The following LNX1 variants were observed in gnomAD, a reference collection of about 807,000 sequenced individuals.
The protein encoded by LNX1 is ligand of numb-protein X 1.
LNX1 carries 54 observed loss-of-function variants against 68.4 expected under a neutral mutation model. The observed-to-expected ratio is 0.79, with a 90% CI of 0.63 to 0.99. The LOEUF is 0.99. Ranked by LOEUF, LNX1 falls within the 50% of genes least tolerant of loss-of-function variation. The pLI, the probability that LNX1 is intolerant of heterozygous loss-of-function variation, is 0.00. For synonymous variants in LNX1, 336 were observed against 350.0 expected, an observed-to-expected ratio of 0.96 and a Z score of 0.45; for missense variants, 906 against 926.4, an observed-to-expected ratio of 0.98 and a Z score of 0.29.
chr4:53,483,246 C>T (rs1008575166), intron 6 of LNX1, among the ~76,000 whole-genome samples: 1 of 152,204 alleles, frequency 6.6e-6, no homozygotes, highest in Non-Finnish European at 1.5e-5. Flanking sequence ...TCCCTTTGCT[C>T]TTCCTTCATC....
intron 2 of LNX1, among the ~76,000 whole-genome samples, chr4:53,516,281 A>G (rs918241713): frequency 3.3e-5 from 5 of 152,134 alleles, no homozygotes; most frequent in African/African-American, 1.2e-4. Context: ...GCCAAACAGT[A>G]CCTGGAATAT....
At chr4:53,648,044 G>C (rs1186593164) in intron 1 of LNX1, among the ~76,000 whole-genome samples, 1 of 152,214 alleles carries the variant, frequency 6.6e-6, no homozygotes, top group Non-Finnish European at 1.5e-5. Flanking sequence ...GGGCTATTGT[G>C]AATAATGCTG....
At chr4:53,497,128 A>G (rs1197340873) in intron 5 of LNX1, among the ~76,000 whole-genome samples, 1 of 152,186 alleles carries the variant, frequency 6.6e-6, no homozygotes, top group Admixed American at 6.5e-5. Context: ...CTCTTTATAA[A>G]GCTACTTAAA....
At chr4:53,524,669 G>A (rs1659598553) in intron 2 of LNX1, among the ~76,000 whole-genome samples, 1 of 152,192 alleles carries the variant, frequency 6.6e-6, no homozygotes, top group Admixed American at 6.6e-5. Flanking sequence ...CCTAGAAAGT[G>A]AATTGGGCTT....
Position 53,508,095 on chromosome 4 carries a change from G to A in LNX1, c.513C>T (p.Ser171=). ...SPEVSAAATI[S]LMTDEPGLDN... ...CTAGGCCAGGCTCGTCTGTCATTAA[G>A]GAGATGGTGGCAGCTGCAGAAACCT... Residue 171 remains serine (S), a synonymous_variant, in exon 3 of 11, where the codon TCC becomes TCT. Transcript: ENST00000263925. 6.2e-7 allele frequency: 1 copy of A among 1,614,144 alleles called. No individual in the cohort carries two copies. The highest frequency in any genetic ancestry group is 8.5e-7 in the Non-Finnish European group (1 of 1,180,022).
At chr4:53,476,135 A>G (rs1723544420) in intron 9 of LNX1, among the ~76,000 whole-genome samples, 1 of 152,076 alleles carries the variant, frequency 6.6e-6, no homozygotes, top group Non-Finnish European at 1.5e-5. Flanking sequence ...CGTCTCTACT[A>G]GAAATACAAA....
intron 2 of LNX1, among the ~76,000 whole-genome samples, chr4:53,536,885 G>C (rs1034588980): frequency 2.0e-5 from 3 of 152,136 alleles, no homozygotes; most frequent in African/African-American, 7.2e-5. Flanking sequence ...AAATATTTTA[G>C]TATAGATGTA....
chr4:53,485,953 GCTT>G (rs1724263516), intron 6 of LNX1, among the ~76,000 whole-genome samples: 1 of 152,208 alleles, frequency 6.6e-6, no homozygotes, highest in African/African-American at 2.4e-5. Context: ...AGGTAAGACA[GCTT>G]CTCTCTTGCA....
chr4:53,573,907 T>C lies in LNX1; in HGVS notation c.96A>G (p.Pro32=), dbSNP rs772675647. 1.2e-5 allele frequency: 20 copies of C among 1,613,612 alleles called. No individual in the cohort carries two copies. The highest frequency in any genetic ancestry group is 1.6e-5 in the Non-Finnish European group (19 of 1,179,828). Reference sequence around the variant, plus strand: ...AGATGAGGTCATCATCCACTTCCTCTGGATAGCTGTAGAAGTGGTTTTCCT... The same window carrying C: ...AGATGAGGTCATCATCCACTTCCTCCGGATAGCTGTAGAAGTGGTTTTCCT... ...SLEENHFYSY[P]EEVDDDLICH... is the part of the protein sequence containing the mutation. The change falls in exon 2 of 11, where the codon CCA becomes CCG. Residue 32 remains proline (P), a synonymous_variant. Coordinates refer to ENST00000263925, the MANE Select transcript of LNX1 (RefSeq NM_001126328.3).
chr4:53,502,133 T>A (rs755325902), intron 4 of LNX1, among the ~76,000 whole-genome samples: 1 of 152,220 alleles, frequency 6.6e-6, no homozygotes, highest in South Asian at 2.1e-4. Flanking sequence ...TAATAATAAT[T>A]ATTAACTGAG....
chr4:53,622,605 G>A (rs1307888069), intron 1 of LNX1, among the ~76,000 whole-genome samples: 6 of 152,084 alleles, frequency 3.9e-5, no homozygotes, highest in South Asian at 2.1e-4. Flanking sequence ...TATAAAAAAC[G>A]CCAAATCCTC....
At position 53,461,057 on chromosome 4, in the gene LNX1, A is replaced by AAAAC. The variant is rs1408366516; in HGVS notation, c.2052-19_2052-16dup. The AAAAC allele has an allele frequency of 1.3e-6, 2 of 1,538,638 alleles. No homozygotes were observed. Among genetic ancestry groups the AAAAC allele is most frequent in the Admixed American group, 2.3e-5 (1 of 44,040 alleles). On this transcript the variant is annotated splice_polypyrimidine_tract_variant and intron_variant, in intron 10 of 10. Coordinates refer to ENST00000263925, the MANE Select transcript of LNX1 (RefSeq NM_001126328.3). ...TATCACCACATCTAAAAAAAAAAAC[A>AAAAC]AAACAAGATATGATTAGTATTTTAA...
Position 53,498,690 on chromosome 4 carries a change from C to T in LNX1, c.929G>A (p.Gly310Glu). Residue 310 changes from glycine (G) to glutamate (E), a missense_variant, in exon 5 of 11, where the codon GGG becomes GAG. Physicochemically the swap from Gly to Glu is moderately conservative, Grantham distance 98 (BLOSUM62 -2). Transcript: ENST00000263925. ...TAGCCGGCCGTCTCTGGCGATCACC[C>T]CATCACGATAAATGTGTTGGATAAT... ...HIIIQHIYRD[G>E]VIARDGRLLP... 1 of 1,614,118 alleles carries T rather than the reference C, an allele frequency of 6.2e-7. No homozygotes were observed. The highest frequency in any genetic ancestry group is 8.5e-7 in the Non-Finnish European group (1 of 1,180,004).
chr4:53,480,708 G>A (rs1723854559), intron 7 of LNX1, among the ~76,000 whole-genome samples: 1 of 152,054 alleles, frequency 6.6e-6, no homozygotes, highest in South Asian at 2.1e-4. Flanking sequence ...TAACCTTGTA[G>A]GCTATGTAAT....
At chr4:53,646,801 A>G (rs934776654) in intron 1 of LNX1, among the ~76,000 whole-genome samples, 1 of 152,254 alleles carries the variant, frequency 6.6e-6, no homozygotes, top group Non-Finnish European at 1.5e-5. Flanking sequence ...TAAATAAATG[A>G]AAACAGACAT....
At chr4:53,561,094 T>G (rs1431309549) in intron 2 of LNX1, among the ~76,000 whole-genome samples, 1 of 152,188 alleles carries the variant, frequency 6.6e-6, no homozygotes, top group East Asian at 1.9e-4. Context: ...GCCAGGAAAA[T>G]GTTGGGTTCA....
intron 9 of LNX1, among the ~76,000 whole-genome samples, chr4:53,468,270 T>C (rs892311658): frequency 2.0e-5 from 3 of 152,080 alleles, no homozygotes; most frequent in African/African-American, 7.2e-5. Context: ...AGAAATAAAA[T>C]ACTTTACAGA....
chr4:53,591,571 G>C, upstream of LNX1: 3 of 985,428 alleles, frequency 3.0e-6, no homozygotes, highest in Non-Finnish European at 3.6e-6. Context: ...GTGACATCAC[G>C]GAAGCCCCGA....
At chr4:53,544,467 T>C (rs1292730428) in intron 2 of LNX1, among the ~76,000 whole-genome samples, 7 of 151,980 alleles carry the variant, frequency 4.6e-5, no homozygotes, top group Admixed American at 4.6e-4. Flanking sequence ...GTGCTGGGAT[T>C]ACAGATGTGA....
Sources: gnomAD v4.1 joint callset for allele counts (sites outside exome capture counted in the v4.1 genomes callset) on GRCh38, gnomAD v4.1.1 for gene constraint, MANE v1.5 for transcripts, NCBI Gene and HGNC (gene_info 2026-07-23, HGNC 2026-07-21) for gene names.